Variants in CHD1L observed in about 807,000 individuals in gnomAD.
CHD1L encodes ATP-dependent chromatin remodeler CHD1L.
In CHD1L, 118 loss-of-function variants were observed where a neutral mutation model predicts 115.9. The ratio of observed to expected loss-of-function variants is 1.02; its 90% CI spans 0.88 to 1.19. The LOEUF (loss-of-function observed/expected upper bound fraction) is 1.19. CHD1L is among the 50% of genes most tolerant of loss of function. CHD1L has a pLI of 0.00. For synonymous variants in CHD1L, 411 were observed against 387.1 expected (o/e 1.06, Z -0.72); for missense variants, 1,179 against 1,065.3 (o/e 1.11, Z -1.49).
At chr1:147,172,965 C>T in the CHD1L span, 1 of 152,392 alleles carries the variant, frequency 6.6e-6, no homozygotes, top group African/African-American at 2.4e-5. Context: ...CTGAAACTGA[C>T]TTCCAACTGC....
At chr1:147,209,038 G>A in the CHD1L span, 1 of 1,613,772 alleles carries the variant, frequency 6.2e-7, no homozygotes, top group Non-Finnish European at 8.5e-7. Flanking sequence ...CCCTCTCCTG[G>A]TGCTGAGGAA....
chr1:147,212,886 A>T, the CHD1L span, among the ~76,000 whole-genome samples: 1 of 152,056 alleles, frequency 6.6e-6, no homozygotes, highest in Non-Finnish European at 1.5e-5. Context: ...ATATATTCTT[A>T]TATACTTTAG....
intron 6 of CHD1L, among the ~76,000 whole-genome samples, chr1:147,262,104 G>C (rs1422396149): frequency 6.6e-6 from 1 of 151,040 alleles, no homozygotes; most frequent in East Asian, 2.0e-4. Context: ...GCTGAGGCAG[G>C]AGAATGGCGT....
At chr1:147,199,088 C>A in the CHD1L span, among the ~76,000 whole-genome samples, 1 of 151,926 alleles carries the variant, frequency 6.6e-6, no homozygotes, top group East Asian at 1.9e-4. Flanking sequence ...TCAGTCAAGG[C>A]AAGGAAGTAA....
intron 18 of CHD1L, among the ~76,000 whole-genome samples, chr1:147,287,112 T>C: frequency 6.6e-6 from 1 of 152,230 alleles, no homozygotes; most frequent in East Asian, 1.9e-4. Flanking sequence ...GGGTTTTTTC[T>C]TGTTCGCTGC....
the CHD1L span, chr1:147,190,064 A>G: frequency 1.5e-6 from 1 of 668,498 alleles, no homozygotes; most frequent in Middle Eastern, 3.6e-4. Flanking sequence ...TTTTCTTCAT[A>G]ATAGAATCTA....
At chr1:147,234,441 A>C in the CHD1L span, among the ~76,000 whole-genome samples, 85 of 152,348 alleles carry the variant, frequency 5.6e-4, no homozygotes, top group Non-Finnish European at 1.1e-3. Flanking sequence ...AAAGATGAGG[A>C]GATAAATCAC....
the CHD1L span, chr1:147,178,045 G>T: frequency 1.3e-6 from 1 of 768,310 alleles, no homozygotes; most frequent in Non-Finnish European, 2.0e-6. Context: ...ATAGGTGGTC[G>T]CGCGCCCGAC....
chr1:147,201,445 A>C, the CHD1L span: 2 of 1,614,102 alleles, frequency 1.2e-6, no homozygotes, highest in Non-Finnish European at 1.7e-6. Flanking sequence ...CACTTTCACC[A>C]AGCCAGAAAT....
At chr1:147,266,531 C>T (rs1288758507) in intron 8 of CHD1L, among the ~76,000 whole-genome samples, 1 of 152,226 alleles carries the variant, frequency 6.6e-6, no homozygotes, top group Non-Finnish European at 1.5e-5. Flanking sequence ...GATGAAATCT[C>T]ACTCTGTTCC....
intron 14 of CHD1L, among the ~76,000 whole-genome samples, chr1:147,276,721 T>G (rs1446821600): frequency 6.6e-6 from 1 of 152,180 alleles, no homozygotes; most frequent in Non-Finnish European, 1.5e-5. Flanking sequence ...CTAGAGGTAA[T>G]TTATTTAAAG....
At chr1:147,195,295 AT>A in the CHD1L span, among the ~76,000 whole-genome samples, 1 of 151,016 alleles carries the variant, frequency 6.6e-6, no homozygotes, top group Non-Finnish European at 1.5e-5. Context: ...AACCCAAATA[AT>A]TTTTTTTTGT....
rs587683935 is a variant in CHD1L, at chr1:147,285,946, C to T, written c.2019-352C>T. Reference sequence around the variant, plus strand: ...ATCCTAGGCCCAAGCTGTCTTTCTGCCTTGACCTCCAAAGTGCTGGGATTA... The same window carrying T: ...ATCCTAGGCCCAAGCTGTCTTTCTGTCTTGACCTCCAAAGTGCTGGGATTA... On this transcript the variant is annotated intron_variant, in intron 17 of 22. Coordinates refer to ENST00000369258, the MANE Select transcript of CHD1L (RefSeq NM_004284.6). 4.6e-5 allele frequency among the ~76,000 whole-genome samples: 7 copies of T among 152,246 alleles called. No homozygotes were observed. The South Asian group carries it at 1.0e-3, about 23-fold the overall frequency.
the CHD1L span, among the ~76,000 whole-genome samples, chr1:147,217,531 T>C: frequency 6.6e-6 from 1 of 152,274 alleles, no homozygotes; most frequent in Non-Finnish European, 1.5e-5. Context: ...TTGTTGTTTG[T>C]TGGCTTTGTC....
the CHD1L span, among the ~76,000 whole-genome samples, chr1:147,192,795 T>G: frequency 6.6e-6 from 1 of 152,290 alleles, no homozygotes; most frequent in South Asian, 2.1e-4. Flanking sequence ...ATTGGTTCTG[T>G]TTATATGCTG....
At chr1:147,257,333 A>G (rs1453457347) in intron 5 of CHD1L, among the ~76,000 whole-genome samples, 3 of 151,142 alleles carry the variant, frequency 2.0e-5, no homozygotes, top group Admixed American at 6.6e-5. Flanking sequence ...CTGGATTTCT[A>G]TTTTCATGTT....
chr1:147,224,820 T>G, the CHD1L span: 7 of 1,473,166 alleles, frequency 4.8e-6, no homozygotes, highest in Non-Finnish European at 6.6e-6. Flanking sequence ...CACCTGACAC[T>G]GTTAAGATAA....
chr1:147,195,710 C>T, the CHD1L span, among the ~76,000 whole-genome samples: 9 of 152,088 alleles, frequency 5.9e-5, no homozygotes, highest in Non-Finnish European at 2.9e-5. Context: ...GGGACTATGC[C>T]ATGTAGAAGA....
At chr1:147,238,145 C>A (rs746691239), upstream of CHD1L, among the ~76,000 whole-genome samples, 91 of 152,152 alleles carry the variant, frequency 6.0e-4, no homozygotes, top group Non-Finnish European at 1.9e-4. Flanking sequence ...CACAGTTTTT[C>A]ATTTCTTGCA....
Sources: gnomAD v4.1 joint callset for allele counts (sites outside exome capture counted in the v4.1 genomes callset) on GRCh38, gnomAD v4.1.1 for gene constraint, MANE v1.5 for transcripts, NCBI Gene and HGNC (gene_info 2026-07-23, HGNC 2026-07-21) for gene names.